Variants in PACSIN2 observed in about 807,000 individuals in gnomAD.
PACSIN2 encodes protein kinase C and casein kinase substrate in neurons 2.
Under a neutral mutation model 63.8 loss-of-function variants are expected in PACSIN2, and 25 were observed. The observed-to-expected ratio is 0.39, with a 90% CI of 0.29 to 0.55. The LOEUF is 0.55. PACSIN2 is among the 20% of genes least tolerant of loss of function. The probability of loss-of-function intolerance (pLI) is 0.62; values close to 1 mark genes in which losing one functional copy is unlikely to be tolerated. For missense variants in PACSIN2, 518 were observed against 646.9 expected (o/e 0.80, Z 2.16); for synonymous variants, 255 against 256.2 (o/e 1.00, Z 0.05).
chr22:42,878,964 G>C, intron 8 of PACSIN2, 84 bp downstream of exon 8: 1 of 1,463,082 alleles, frequency 6.8e-7, no homozygotes, highest in South Asian at 1.4e-5. Flanking sequence ...AGGTGTCCAG[G>C]CCGGGGCTGC....
In PACSIN2 at chr22:42,891,118, G is replaced by A. The variant is rs777103052; in HGVS notation, c.282C>T (p.Ser94=). ...MAFMSEAERV[S]ELHLEVKASL... ...AGGCCTTCACCTCGAGGTGCAGCTC[G>A]CTCACCCTCTCTGCCTCGGACATGA... is the stretch of plus-strand genomic sequence containing the variant. The change falls in exon 4 of 11, where the codon AGC becomes AGT. Residue 94 remains serine, a synonymous_variant. Transcript: ENST00000263246. 14 of 1,614,012 alleles carry A rather than the reference G, an allele frequency of 8.7e-6. No homozygotes were observed. The highest frequency in any genetic ancestry group is 5.0e-5 in the Admixed American group (3 of 60,004).
intron 2 of PACSIN2, chr22:42,909,382 T>C (rs1407828538): frequency 1.1e-5 from 4 of 369,320 alleles, no homozygotes; most frequent in African/African-American, 2.1e-5. Flanking sequence ...CAAGGCTTTC[T>C]TTGGAAAAGT....
In PACSIN2 at chr22:42,934,340, A is replaced by C. The variant is rs117641362; in HGVS notation, c.-77-22183T>G. Among the ~76,000 whole-genome samples, 114 of 152,350 alleles carry C rather than the reference A, an allele frequency of 7.5e-4. No homozygotes were observed. The East Asian group carries it at 0.019, about 26-fold the overall frequency. On this transcript the variant is annotated intron_variant, in intron 1 of 10. Transcript: ENST00000263246. ...TTTCTACGGGAAACGCAAGACCTTCAAGGCACTGTGTGTGTGCAGATCGCC... is the reference window on the plus strand; with the variant it reads ...TTTCTACGGGAAACGCAAGACCTTCCAGGCACTGTGTGTGTGCAGATCGCC...
intron 1 of PACSIN2, among the ~76,000 whole-genome samples, chr22:42,970,825 G>A (rs2146866237): frequency 6.6e-6 from 1 of 152,238 alleles, no homozygotes; most frequent in South Asian, 2.1e-4. Context: ...CACCAGATAT[G>A]GAGTGCTTGT....
chr22:42,959,080 G>A (rs1324228352), intron 1 of PACSIN2, among the ~76,000 whole-genome samples: 1 of 152,196 alleles, frequency 6.6e-6, no homozygotes, highest in Admixed American at 6.5e-5. Context: ...AGGGGGACGA[G>A]GGCACAGGGT....
intron 1 of PACSIN2, among the ~76,000 whole-genome samples, chr22:42,952,173 G>C (rs199938348): frequency 6.6e-6 from 1 of 152,056 alleles, no homozygotes; most frequent in Non-Finnish European, 1.5e-5. Flanking sequence ...TTGTTTGCCC[G>C]TGTTCCTACC....
chr22:42,908,598 C>A (rs1931242234), intron 2 of PACSIN2, among the ~76,000 whole-genome samples: 1 of 152,238 alleles, frequency 6.6e-6, no homozygotes, highest in African/African-American at 2.4e-5. Context: ...TGTGGGCGGG[C>A]CAGACCAGGC....
At chr22:42,935,621 A>C (rs1005056757) in intron 1 of PACSIN2, among the ~76,000 whole-genome samples, 14 of 152,192 alleles carry the variant, frequency 9.2e-5, no homozygotes, top group African/African-American at 3.4e-4. Context: ...ATAATCACTG[A>C]GATTTCAATT....
At chr22:42,934,797 C>T (rs1431629536) in intron 1 of PACSIN2, among the ~76,000 whole-genome samples, 1 of 152,258 alleles carries the variant, frequency 6.6e-6, no homozygotes, top group Admixed American at 6.5e-5. Flanking sequence ...CACCTGCCTT[C>T]CCTAGTGCCT....
At chr22:42,925,807 CCTGT>C (rs1176101319) in intron 1 of PACSIN2, among the ~76,000 whole-genome samples, 1 of 152,176 alleles carries the variant, frequency 6.6e-6, no homozygotes, top group Non-Finnish European at 1.5e-5. Flanking sequence ...TTCTACCCTG[CCTGT>C]CTACCACCGG....
intron 1 of PACSIN2, among the ~76,000 whole-genome samples, chr22:42,919,986 T>C (rs1033341373): frequency 1.5e-4 from 23 of 150,332 alleles, no homozygotes; most frequent in Non-Finnish European, 3.0e-4. Context: ...TACACACCTG[T>C]AGTCCCAGCT....
intron 1 of PACSIN2, among the ~76,000 whole-genome samples, chr22:42,995,881 C>A (rs1209697514): frequency 1.3e-5 from 2 of 151,972 alleles, no homozygotes; most frequent in Non-Finnish European, 2.9e-5. Context: ...CTGGGCAACA[C>A]AGTGAGACCT....
At chr22:43,010,464 C>T (rs1302740463) in intron 1 of PACSIN2, among the ~76,000 whole-genome samples, 1 of 151,088 alleles carries the variant, frequency 6.6e-6, no homozygotes, top group Admixed American at 6.6e-5. Context: ...AATCCCAGCA[C>T]TTTGGGAGGC....
At chr22:42,980,413 C>G (rs1373451589) in intron 1 of PACSIN2, among the ~76,000 whole-genome samples, 1 of 151,820 alleles carries the variant, frequency 6.6e-6, no homozygotes, top group Non-Finnish European at 1.5e-5. Flanking sequence ...GATCACACCA[C>G]GACACTCCAG....
intron 1 of PACSIN2, among the ~76,000 whole-genome samples, chr22:42,936,260 G>C (rs1932915401): frequency 6.6e-6 from 1 of 151,986 alleles, no homozygotes; most frequent in African/African-American, 2.4e-5. Flanking sequence ...CATGAAACAG[G>C]GATGACAATG....
At chr22:42,971,968 G>A (rs1320249589) in intron 1 of PACSIN2, among the ~76,000 whole-genome samples, 2 of 152,066 alleles carry the variant, frequency 1.3e-5, no homozygotes, top group African/African-American at 4.8e-5. Context: ...TCTGGGAGGT[G>A]AGGAGCCCCT....
In PACSIN2 at chr22:42,879,071, C is replaced by G; in HGVS notation, c.1005G>C (p.Gln335His). Reference sequence around the variant, plus strand: ...ACCTGCTGGGCTTACTCGGCAGAGACTGGTCGCCTGTCTGGTTGATGCCCG... The same window carrying G: ...ACCTGCTGGGCTTACTCGGCAGAGAGTGGTCGCCTGTCTGGTTGATGCCCG... The part of the protein sequence containing the change: ...TLTGINQTGD[Q>H]SLPSKPSSTL... Residue 335 changes from glutamine (Q) to histidine (H), a missense_variant, in exon 8 of 11, where the codon CAG becomes CAC. By Grantham distance (24) the Gln-to-His change is conservative. Coordinates refer to ENST00000263246, the MANE Select transcript of PACSIN2 (RefSeq NM_001184970.3). The G allele has an allele frequency of 6.2e-7, 1 of 1,614,110 alleles. No individual in the cohort carries two copies. Among genetic ancestry groups the G allele is most frequent in the Non-Finnish European group, 8.5e-7 (1 of 1,179,990 alleles).
chr22:42,915,692 A>G (rs1366498167), intron 1 of PACSIN2, among the ~76,000 whole-genome samples: 1 of 152,242 alleles, frequency 6.6e-6, no homozygotes, highest in African/African-American at 2.4e-5. Context: ...TAAGTAAAAC[A>G]GAATTAGGAA....
chr22:42,873,308 C>T (rs1417401204), intron 10 of PACSIN2, among the ~76,000 whole-genome samples: 2 of 152,060 alleles, frequency 1.3e-5, no homozygotes, highest in East Asian at 1.9e-4. Flanking sequence ...CCAACAAAGT[C>T]GGGGGTAACA....
Sources: allele counts gnomAD v4.1 joint callset (sites outside exome capture counted in the v4.1 genomes callset), GRCh38; gene constraint gnomAD v4.1.1; transcripts MANE v1.5; gene names NCBI Gene and HGNC (gene_info 2026-07-23, HGNC 2026-07-21).